The following CTNNA2 variants were observed in gnomAD, a reference collection of about 807,000 sequenced individuals.
CTNNA2 encodes catenin alpha-2.
CTNNA2 carries 42 observed loss-of-function variants against 101.0 expected under a neutral mutation model. The observed-to-expected ratio is 0.42, with a 90% CI of 0.32 to 0.54. The LOEUF (loss-of-function observed/expected upper bound fraction) is 0.54. Ranked by LOEUF, CTNNA2 falls within the 20% of genes least tolerant of loss-of-function variation. The probability of loss-of-function intolerance (pLI) is 0.14; values close to 1 mark genes in which losing one functional copy is unlikely to be tolerated. For missense variants in CTNNA2, 871 were observed against 1,223.1 expected (o/e 0.71, Z 4.29); for synonymous variants, 450 against 456.4 (o/e 0.99, Z 0.18).
At chr2:79,912,350 G>A (rs1012415767) in intron 7 of CTNNA2, among the ~76,000 whole-genome samples, 2 of 152,308 alleles carry the variant, frequency 1.3e-5, no homozygotes, top group Non-Finnish European at 2.9e-5. Flanking sequence ...ATAGAAAAAG[G>A]GTCTTCATGG....
Position 80,590,248 on chromosome 2 carries a change from A to G in CTNNA2, c.2189+763A>G, listed in dbSNP as rs74836936. The stretch of plus-strand genomic sequence containing the variant: ...AAACCAAGGGAGAGCAAAACTCAGT[A>G]GGAACCTCCCTGAATTTTGAGTCAG... On this transcript the variant is annotated intron_variant, in intron 15 of 18. Coordinates refer to ENST00000402739, the MANE Select transcript of CTNNA2 (RefSeq NM_001282597.3). 1.0e-3 allele frequency among the ~76,000 whole-genome samples: 158 copies of G among 152,312 alleles called. No individual in the cohort carries two copies. The East Asian group carries it at 0.028, about 27-fold the overall frequency.
intron 7 of CTNNA2, among the ~76,000 whole-genome samples, chr2:80,139,530 A>G (rs1054058849): frequency 6.6e-6 from 1 of 151,852 alleles, no homozygotes; most frequent in Admixed American, 6.6e-5. Context: ...TACAGTTTTC[A>G]CCCCCTCTTA....
At chr2:79,609,132 A>G (rs1678100484) in intron 1 of CTNNA2, among the ~76,000 whole-genome samples, 1 of 151,984 alleles carries the variant, frequency 6.6e-6, no homozygotes, top group South Asian at 2.1e-4. Context: ...ATCTGACAAA[A>G]GAAGTGCATA....
chr2:80,040,755 G>C (rs985902594), intron 7 of CTNNA2, among the ~76,000 whole-genome samples: 2 of 152,112 alleles, frequency 1.3e-5, no homozygotes, highest in African/African-American at 4.8e-5. Context: ...AGATTTTACT[G>C]TCTCAATGAT....
intron 2 of CTNNA2, among the ~76,000 whole-genome samples, chr2:79,214,597 T>C (rs1451568397): frequency 1.3e-5 from 2 of 151,964 alleles, no homozygotes; most frequent in African/African-American, 4.8e-5. Flanking sequence ...TAGGTTTTAA[T>C]GGGATGGTAA....
At chr2:79,649,552 C>T (rs539085431) in intron 1 of CTNNA2, among the ~76,000 whole-genome samples, 1 of 152,300 alleles carries the variant, frequency 6.6e-6, no homozygotes, top group Admixed American at 6.5e-5. Flanking sequence ...CATCTGGCAT[C>T]TTTATCCTTC....
chr2:80,108,173 G>T (rs1303524670), intron 7 of CTNNA2, among the ~76,000 whole-genome samples: 1 of 152,208 alleles, frequency 6.6e-6, no homozygotes, highest in African/African-American at 2.4e-5. Context: ...TCTAGTAGTG[G>T]AATATCAAAT....
intron 7 of CTNNA2, among the ~76,000 whole-genome samples, chr2:80,372,732 G>A (rs930434889): frequency 1.4e-5 from 2 of 143,330 alleles, no homozygotes; most frequent in African/African-American, 5.3e-5. Context: ...AATTTGCATT[G>A]TATCTGTATC....
intron 7 of CTNNA2, among the ~76,000 whole-genome samples, chr2:79,945,420 A>AG (rs1437742561): frequency 3.9e-5 from 6 of 152,328 alleles, no homozygotes; most frequent in African/African-American, 1.4e-4. Flanking sequence ...TAATTAGGGC[A>AG]GAAAAAGACT....
At chr2:79,724,993 A>G (rs1482550971) in intron 2 of CTNNA2, among the ~76,000 whole-genome samples, 9 of 152,056 alleles carry the variant, frequency 5.9e-5, no homozygotes, top group Non-Finnish European at 1.0e-4. Context: ...TGTCACAGCA[A>G]GTAGGAGCTG....
intron 7 of CTNNA2, among the ~76,000 whole-genome samples, chr2:80,036,565 A>G (rs1210125168): frequency 6.6e-6 from 1 of 152,182 alleles, no homozygotes; most frequent in Non-Finnish European, 1.5e-5. Flanking sequence ...TGATAGCACC[A>G]CTGTACTTTA....
intron 1 of CTNNA2, among the ~76,000 whole-genome samples, chr2:79,535,508 T>A (rs1673003117): frequency 1.3e-5 from 2 of 152,068 alleles, no homozygotes; most frequent in South Asian, 4.2e-4. Context: ...CCGGCCCATA[T>A]TTTGCTTTTA....
At position 79,494,302 on chromosome 2, in the gene CTNNA2, C is replaced by G. The variant is rs552161842; in HGVS notation, c.-134-10752C>G. 4.7e-5 allele frequency among the ~76,000 whole-genome samples: 7 copies of G among 147,890 alleles called. No individual in the cohort carries two copies. In the East Asian group the frequency reaches 1.4e-3, roughly 29 times the overall value. ...ATTTTTTTTTTTTTTCAGAAATTGA[C>G]GAACCAATCCTAAAATTTATGTGGA... is the stretch of plus-strand genomic sequence containing the variant. On this transcript the variant is annotated intron_variant, in intron 4 of 21. Transcript: ENST00000466387.
intron 1 of CTNNA2, among the ~76,000 whole-genome samples, chr2:79,625,568 T>C (rs930793568): frequency 2.0e-5 from 3 of 152,172 alleles, no homozygotes; most frequent in African/African-American, 7.2e-5. Context: ...TTTCTTACTG[T>C]GGGTTGGAGT....
rs184952047 is a variant in CTNNA2 at position 80,337,873 on chromosome 2, G to A, written c.1057-55338G>A. On this transcript the variant is annotated intron_variant, in intron 7 of 18. Transcript: ENST00000402739. ...AAGCGAATTGACCCCACCATGGGAA[G>A]TGGGCTGGTCCAGAGGATAGTAGCA... is the stretch of plus-strand genomic sequence containing the variant. Among the ~76,000 whole-genome samples, 33 of 152,338 alleles carry A rather than the reference G, an allele frequency of 2.2e-4. 1 individual carries two copies. Among genetic ancestry groups the A allele is most frequent in the South Asian group, 8.3e-4 (4 of 4,832 alleles).
At chr2:80,111,243 C>T (rs143588703) in intron 7 of CTNNA2, among the ~76,000 whole-genome samples, 1 of 152,168 alleles carries the variant, frequency 6.6e-6, no homozygotes, top group Non-Finnish European at 1.5e-5. Context: ...ATCAAGGATA[C>T]TTTTAAAATC....
chr2:80,370,807 T>G (rs747479748), intron 7 of CTNNA2, among the ~76,000 whole-genome samples: 1 of 152,198 alleles, frequency 6.6e-6, no homozygotes, highest in Non-Finnish European at 1.5e-5. Flanking sequence ...CTGAGGCCCC[T>G]GTAACAAAAG....
chr2:79,539,179 T>G (rs540054738), intron 1 of CTNNA2, among the ~76,000 whole-genome samples: 1 of 152,286 alleles, frequency 6.6e-6, no homozygotes, highest in Admixed American at 6.5e-5. Context: ...TGTGCTGTTA[T>G]TAAAAAACAG....
At chr2:79,510,748 C>T (rs1408747506), upstream of CTNNA2, among the ~76,000 whole-genome samples, 1 of 152,138 alleles carries the variant, frequency 6.6e-6, no homozygotes, top group African/African-American at 2.4e-5. Flanking sequence ...TTTAATAACT[C>T]TAATTTAAAG....
Sources: allele counts gnomAD v4.1 joint callset (sites outside exome capture counted in the v4.1 genomes callset), GRCh38; gene constraint gnomAD v4.1.1; transcripts MANE v1.5; gene names NCBI Gene and HGNC (gene_info 2026-07-23, HGNC 2026-07-21).